Variants in NVL observed in about 807,000 individuals in gnomAD.
NVL encodes the protein nuclear VCP like, also known as nuclear valosin-containing protein-like.
NVL carries 84 observed loss-of-function variants against 110.2 expected under a neutral mutation model. That is an observed-to-expected ratio of 0.76 (90% confidence interval 0.64 to 0.91). The LOEUF (loss-of-function observed/expected upper bound fraction) is 0.91. Among genes scored for constraint, NVL ranks in the 40% least tolerant of loss-of-function variants. The pLI is 0.00. For synonymous variants in NVL, 354 were observed against 361.1 expected (o/e 0.98, Z 0.22); for missense variants, 882 against 1,035.9 (o/e 0.85, Z 2.04).
intron 19 of NVL, among the ~76,000 whole-genome samples, chr1:224,247,844 A>G (rs756013456): frequency 2.0e-5 from 3 of 152,112 alleles, no homozygotes; most frequent in Non-Finnish European, 4.4e-5. Flanking sequence ...TGTCCTGTGC[A>G]CTGTGGAATA....
chr1:224,259,817 GCTAA>G (rs1663755180), intron 18 of NVL, among the ~76,000 whole-genome samples: 4 of 148,890 alleles, frequency 2.7e-5, no homozygotes, highest in Admixed American at 2.7e-4. Context: ...ACCATACCCA[GCTAA>G]CTTTTTTTTT....
intron 12 of NVL, among the ~76,000 whole-genome samples, chr1:224,293,070 ATT>A (rs1157220455): frequency 2.0e-4 from 25 of 125,038 alleles, no homozygotes; most frequent in Middle Eastern, 4.6e-3. Flanking sequence ...TTTCAGAACA[ATT>A]TTTTTTTTTT....
intron 18 of NVL, among the ~76,000 whole-genome samples, chr1:224,258,076 A>T (rs1356508021): frequency 6.6e-6 from 1 of 152,230 alleles, no homozygotes; most frequent in African/African-American, 2.4e-5. Context: ...TATCAAAATT[A>T]AAAACTTGTG....
At chr1:224,227,991 T>C (rs1334051198) in intron 22 of NVL, 1 of 166,214 alleles carries the variant, frequency 6.0e-6, no homozygotes, top group Non-Finnish European at 1.3e-5. Flanking sequence ...GAACCAATCC[T>C]GCCCAACACT....
In NVL at chr1:224,244,821, G is replaced by A. The variant is rs955961550; in HGVS notation, c.2289+5391C>T. Among the ~76,000 whole-genome samples, 4 of 149,838 alleles carry A rather than the reference G, an allele frequency of 2.7e-5. No individual in the cohort carries two copies. In the East Asian group the frequency reaches 5.9e-4, roughly 22 times the overall value. ...TTTTGCCTCAGCCTCCTGAGTAGCC[G>A]GGACTACAGGCACGCACCACCACGC... On this transcript the variant is annotated intron_variant, in intron 19 of 22. Transcript: ENST00000281701.
intron 18 of NVL, among the ~76,000 whole-genome samples, chr1:224,259,773 G>A (rs1307576356): frequency 6.6e-6 from 1 of 151,484 alleles, no homozygotes; most frequent in African/African-American, 2.4e-5. Flanking sequence ...TTGTGCCTCA[G>A]CCTCCCAAGT....
chr1:224,298,387 G>T, intron 10 of NVL: 1 of 181,568 alleles, frequency 5.5e-6, no homozygotes, highest in South Asian at 1.1e-4. Flanking sequence ...TTCTTGCCAA[G>T]AGAATCAATG....
intron 19 of NVL, among the ~76,000 whole-genome samples, chr1:224,249,902 T>A (rs1412587980): frequency 6.6e-6 from 1 of 152,156 alleles, no homozygotes; most frequent in Non-Finnish European, 1.5e-5. Context: ...TCTGGCTAAT[T>A]TTTTCTATCT....
rs1558306250 is a variant in NVL, at chr1:224,286,169, C to T, written c.1795-39G>A. On this transcript the variant is annotated intron_variant, in intron 14 of 22. Coordinates refer to ENST00000281701, the MANE Select transcript of NVL (RefSeq NM_002533.4). The stretch of plus-strand genomic sequence containing the variant: ...TACAAACGGCGATCCATTACATGTC[C>T]ATTTTATACTGCAGGTTCAAATTAT... 2.2e-6 allele frequency: 3 copies of T among 1,345,534 alleles called. No homozygotes were observed. The South Asian group carries it at 3.6e-5, about 16-fold the overall frequency. The allele number at this position is 1,345,534 out of a possible 1,614,324, so 83.3% of individuals were successfully genotyped here. A position where few individuals can be genotyped will look rare whatever the true frequency, so the allele number is the denominator to read the frequency against.
At chr1:224,293,548 C>T (rs1667581724) in intron 12 of NVL, among the ~76,000 whole-genome samples, 1 of 152,226 alleles carries the variant, frequency 6.6e-6, no homozygotes, top group Admixed American at 6.5e-5. Context: ...AACTGTCTGG[C>T]TGCCATTTCA....
At chr1:224,246,689 T>A (rs185804873) in intron 19 of NVL, among the ~76,000 whole-genome samples, 1 of 152,110 alleles carries the variant, frequency 6.6e-6, no homozygotes, top group Non-Finnish European at 1.5e-5. Flanking sequence ...TACATACACA[T>A]CCACATACAT....
At chr1:224,326,605 G>A in intron 1 of NVL, 141 bp from the exon 2 acceptor site, 4 of 560,492 alleles carry the variant, frequency 7.1e-6, no homozygotes, top group South Asian at 2.7e-5. Flanking sequence ...ATAAATAAAA[G>A]TAACCAAATA....
chr1:224,296,517 G>A lies in NVL; in HGVS notation c.1164C>T (p.Leu388=), dbSNP rs1458090029. ...KDMERRIVAQ[L]LTCMDDLNNV... ...TAAACTAACCATCCATGCAGGTTAG[G>A]AGTTGGGCTACAATTCTTCGTTCCA... The change falls in exon 11 of 23, where the codon CTC becomes CTT. Residue 388 remains leucine (L), a synonymous_variant. Coordinates refer to ENST00000281701, the MANE Select transcript of NVL (RefSeq NM_002533.4). The A allele has an allele frequency of 1.7e-5, 27 of 1,588,566 alleles. No individual in the cohort carries two copies. The highest frequency in any genetic ancestry group is 2.3e-5 in the Non-Finnish European group (27 of 1,163,168).
Position 224,326,434 on chromosome 1 carries a change from C to T in NVL, c.88G>A (p.Val30Met). The T allele has an allele frequency of 1.9e-6, 3 of 1,612,534 alleles. No individual in the cohort carries two copies. The highest frequency in any genetic ancestry group is 2.5e-6 in the Non-Finnish European group (3 of 1,178,998). ...TCAGACGCTAAGACTCCAATGTCCA[C>T]ATATTTGCCACATTTGTTACTGGTA... is the stretch of plus-strand genomic sequence containing the variant. ...YLTSNKCGKY[V>M]DIGVLASDLQ... The change falls in exon 2 of 23, where the codon GTG becomes ATG. Residue 30 changes from valine to methionine, a missense_variant. By Grantham distance (21) the Val-to-Met change is conservative. Transcript: ENST00000281701.
Position 224,286,038 on chromosome 1 carries a change from A to G in NVL, c.1887T>C (p.Thr629=). 1 of 1,613,478 alleles carries G rather than the reference A, an allele frequency of 6.2e-7. No individual in the cohort carries two copies. Among genetic ancestry groups the G allele is most frequent in the East Asian group, 2.2e-5 (1 of 44,876 alleles). The stretch of plus-strand genomic sequence containing the variant: ...ACTTATATGATACCTTCGCCAGCAG[A>G]GTCTTCCCACAGCCAGGAGGACCAG... The part of the protein sequence containing the change: ...LLAGPPGCGK[T]LLAKAVANES... The change falls in exon 15 of 23, where the codon ACT becomes ACC. Residue 629 remains threonine, a synonymous_variant. Transcript: ENST00000281701.
intron 19 of NVL, among the ~76,000 whole-genome samples, chr1:224,246,266 G>C (rs988534880): frequency 6.6e-6 from 1 of 152,126 alleles, no homozygotes; most frequent in Non-Finnish European, 1.5e-5. Flanking sequence ...CTGACCTCAA[G>C]TGATCCACCT....
rs190545721 is a variant in NVL at position 224,316,913 on chromosome 1, G to A, written c.284+781C>T. On this transcript the variant is annotated intron_variant, in intron 4 of 22. Transcript: ENST00000281701. ...AGCACTTTGGGAGGCCAAGATGTGC[G>A]GATCACTAGAAGTCAGGAGTTCGAG... Among the ~76,000 whole-genome samples, 166 of 152,112 alleles carry A rather than the reference G, an allele frequency of 1.1e-3. 2 individuals carry two copies. The highest frequency in any genetic ancestry group is 3.8e-3 in the African/African-American group (156 of 41,526).
chr1:224,301,670 C>T, intron 9 of NVL: 1 of 353,250 alleles, frequency 2.8e-6, no homozygotes, highest in Non-Finnish European at 5.5e-6. Context: ...CATGCTGATG[C>T]ATGCCTGCAG....
At chr1:224,243,293 C>T (rs1240374297) in intron 19 of NVL, among the ~76,000 whole-genome samples, 1 of 145,656 alleles carries the variant, frequency 6.9e-6, no homozygotes, top group Non-Finnish European at 1.5e-5. Flanking sequence ...AACCCTGTTT[C>T]TACAAAAAAA....
Sources: allele counts gnomAD v4.1 joint callset (sites outside exome capture counted in the v4.1 genomes callset), GRCh38; gene constraint gnomAD v4.1.1; transcripts MANE v1.5; gene names NCBI Gene and HGNC (gene_info 2026-07-23, HGNC 2026-07-21).